AMDHD1: variants seen among roughly 807,000 people sequenced by gnomAD.
AMDHD1 encodes probable imidazolonepropionase.
Under a neutral mutation model 44.1 loss-of-function variants are expected in AMDHD1, and 45 were observed. The ratio of observed to expected loss-of-function variants is 1.02; its 90% CI spans 0.80 to 1.31. The LOEUF (loss-of-function observed/expected upper bound fraction) is 1.31. AMDHD1 is among the 50% of genes most tolerant of loss of function. The pLI is 0.00. For synonymous variants in AMDHD1, 206 were observed against 205.0 expected (o/e 1.00, Z -0.04); for missense variants, 586 against 552.1 (o/e 1.06, Z -0.61).
intron 1 of AMDHD1, among the ~76,000 whole-genome samples, chr12:95,949,165 A>AG (rs1270185399): frequency 2.1e-4 from 4 of 19,076 alleles, no homozygotes; most frequent in African/African-American, 1.9e-3. Flanking sequence ...AAAAAGAAAA[A>AG]AAAAAAAAAA....
chr12:95,966,518 C>T lies in AMDHD1; in HGVS notation c.1193+10C>T. 6.2e-7 allele frequency: 1 copy of T among 1,614,042 alleles called. No homozygotes were observed. Among genetic ancestry groups the T allele is most frequent in the African/African-American group, 1.3e-5 (1 of 75,056 alleles). On this transcript the variant is annotated intron_variant, in intron 8 of 8. Coordinates refer to ENST00000266736, the MANE Select transcript of AMDHD1 (RefSeq NM_152435.3). ...TCATCAATTCATCCCGGTGAGTGTG[C>T]TTCAACTTAGCTCTTTTATATTATG...
Position 95,956,747 on chromosome 12 carries a change from G to A in AMDHD1, c.372G>A (p.Glu124=), listed in dbSNP as rs755703276. 1.9e-6 allele frequency: 3 copies of A among 1,614,218 alleles called. No homozygotes were observed. The highest frequency in any genetic ancestry group is 2.5e-6 in the Non-Finnish European group (3 of 1,180,042). Residue 124 remains glutamate, a synonymous_variant, in exon 4 of 9, where the codon GAG becomes GAA. Transcript: ENST00000266736. ...GAGGAGGGATCCACTTTACCGTGGA[G>A]CGCACGCGCCAAGCCACAGAGGAGG... ...QAGGGIHFTV[E]RTRQATEEEL...
At chr12:95,943,644 G>A (rs1160018918) in intron 1 of AMDHD1, 109 bp downstream of exon 1, 2 of 1,329,720 alleles carry the variant, frequency 1.5e-6, no homozygotes, top group Non-Finnish European at 1.9e-6. Flanking sequence ...TCCCTGCACA[G>A]AGATACACGG....
chr12:95,962,118 T>C (rs2080585166), intron 5 of AMDHD1, among the ~76,000 whole-genome samples: 1 of 152,122 alleles, frequency 6.6e-6, no homozygotes, highest in Admixed American at 6.5e-5. Flanking sequence ...ATACAAAAGT[T>C]AGCTGGGCAT....
chr12:95,960,100 C>T (rs887227495), intron 4 of AMDHD1, among the ~76,000 whole-genome samples: 5 of 152,034 alleles, frequency 3.3e-5, no homozygotes, highest in Admixed American at 1.3e-4. Context: ...TTAAGCTTTT[C>T]AGCCAGGTAG....
chr12:95,959,729 G>T (rs6538691), intron 4 of AMDHD1, among the ~76,000 whole-genome samples: 69,415 of 150,588 alleles, frequency 0.46, 16,784 homozygotes, highest in African/African-American at 0.59. Flanking sequence ...GGGGACCACA[G>T]GTGGGTCATC....
Position 95,960,567 on chromosome 12 carries a change from A to G in AMDHD1, c.757A>G (p.Ile253Val), listed in dbSNP as rs1239895722. The G allele has an allele frequency of 6.2e-7, 1 of 1,614,230 alleles. No homozygotes were observed. The highest frequency in any genetic ancestry group is 8.5e-7 in the Non-Finnish European group (1 of 1,180,044). The change falls in exon 5 of 9, where the codon ATA (isoleucine) becomes GTA (valine). Residue 253 changes from isoleucine to valine, a missense_variant. Ile to Val is a conservative substitution (Grantham distance 29). Coordinates refer to ENST00000266736, the MANE Select transcript of AMDHD1 (RefSeq NM_152435.3). ...TRRILQRGKD[I>V]GLQINFHGDE... The stretch of plus-strand genomic sequence containing the variant: ...AAGGATTCTTCAACGTGGAAAAGAT[A>G]TAGGGTTACAGATTAACTTCCATGG...
At chr12:95,944,869 C>T (rs941222353) in intron 1 of AMDHD1, among the ~76,000 whole-genome samples, 1 of 152,152 alleles carries the variant, frequency 6.6e-6, no homozygotes, top group African/African-American at 2.4e-5. Context: ...CACAGTGACT[C>T]ACGCCTGCAA....
intron 7 of AMDHD1, among the ~76,000 whole-genome samples, chr12:95,966,098 A>G (rs2080608757): frequency 1.3e-5 from 2 of 152,266 alleles, no homozygotes; most frequent in Non-Finnish European, 1.5e-5. Flanking sequence ...TATGGAAGTG[A>G]ACTTCATTGT....
intron 4 of AMDHD1, among the ~76,000 whole-genome samples, chr12:95,959,790 CTTT>C (rs63130861): frequency 6.4e-4 from 43 of 67,360 alleles, no homozygotes; most frequent in South Asian, 1.6e-3. Context: ...GAAGATTATG[CTTT>C]TTTTTTTTTT....
chr12:95,952,853 C>A (rs1358251758), intron 2 of AMDHD1, 30 bp downstream of exon 2: 2 of 1,346,096 alleles, frequency 1.5e-6, no homozygotes, highest in Non-Finnish European at 2.1e-6. Flanking sequence ...TAAAGGTCTA[C>A]AAGTAGCTTT....
At position 95,960,537 on chromosome 12, in the gene AMDHD1, A is replaced by G. The variant is rs1396652654; in HGVS notation, c.727A>G (p.Thr243Ala). 1 of 1,614,222 alleles carries G rather than the reference A, an allele frequency of 6.2e-7. No homozygotes were observed. Among genetic ancestry groups the G allele is most frequent in the Admixed American group, 1.7e-5 (1 of 60,022 alleles). ...CEKGVFDLDS[T>A]RRILQRGKDI... ...GAAAGGTGTCTTTGATCTCGATTCC[A>G]CCAGAAGGATTCTTCAACGTGGAAA... Residue 243 changes from threonine to alanine, a missense_variant, in exon 5 of 9, where the codon ACC becomes GCC. Thr to Ala is a moderately conservative substitution (Grantham distance 58). Transcript: ENST00000266736.
intron 4 of AMDHD1, among the ~76,000 whole-genome samples, chr12:95,957,776 G>C (rs1205615192): frequency 2.0e-5 from 3 of 152,158 alleles, no homozygotes; most frequent in Non-Finnish European, 4.4e-5. Context: ...TTTTAGGCCA[G>C]GCATAGTGGC....
intron 5 of AMDHD1, 135 bp downstream of exon 5, chr12:95,960,758 T>A: frequency 1.1e-6 from 1 of 943,078 alleles, no homozygotes; most frequent in Non-Finnish European, 1.6e-6. Flanking sequence ...ATGTACAGAT[T>A]GGTCTGGTTG....
chr12:95,949,639 A>G (rs963083295), intron 1 of AMDHD1, among the ~76,000 whole-genome samples: 1 of 152,236 alleles, frequency 6.6e-6, no homozygotes, highest in Non-Finnish European at 1.5e-5. Context: ...TTCTGCTTTC[A>G]GATGTTTTCC....
At chr12:95,967,660 A>G (rs1592828408) in intron 8 of AMDHD1, 96 bp from the exon 9 acceptor site, 1 of 955,046 alleles carries the variant, frequency 1.0e-6, no homozygotes, top group East Asian at 2.7e-5. Flanking sequence ...ATAAATGTGT[A>G]GGGAATGCAT....
chr12:95,958,884 T>C (rs568330551), intron 4 of AMDHD1, among the ~76,000 whole-genome samples: 22 of 152,094 alleles, frequency 1.4e-4, no homozygotes, highest in Admixed American at 3.9e-4. Context: ...GGAGAAAGCC[T>C]GTCTCTACTA....
chr12:95,960,349 G>C (rs1237140218), intron 4 of AMDHD1, 49 bp from the exon 5 acceptor site: 1 of 1,535,690 alleles, frequency 6.5e-7, no homozygotes. Flanking sequence ...CTGTCTTTTT[G>C]TGTTTTGTTT....
intron 8 of AMDHD1, 74 bp from the exon 9 acceptor site, chr12:95,967,682 C>T (rs2080618110): frequency 1.7e-6 from 2 of 1,167,360 alleles, no homozygotes; most frequent in Non-Finnish European, 1.2e-6. Flanking sequence ...TTAAAATTAG[C>T]ATTTATTGAT....
Sources: gnomAD v4.1 joint callset for allele counts (sites outside exome capture counted in the v4.1 genomes callset) on GRCh38, gnomAD v4.1.1 for gene constraint, MANE v1.5 for transcripts, NCBI Gene and HGNC (gene_info 2026-07-23, HGNC 2026-07-21) for gene names.